Variants in BCL2 observed in about 807,000 individuals in gnomAD.
BCL2 encodes apoptosis regulator Bcl-2.
Under a neutral mutation model 14.2 loss-of-function variants are expected in BCL2, and 1 was observed. That is an observed-to-expected ratio of 0.07 (90% CI 0.02 to 0.33). The LOEUF (loss-of-function observed/expected upper bound fraction) is 0.33, where lower values mean the gene tolerates loss of function less well. BCL2 is among the 10% of genes least tolerant of loss of function. The pLI is 0.99. For synonymous variants in BCL2, 151 were observed against 137.2 expected (o/e 1.10, Z -0.70); for missense variants, 247 against 305.9 (o/e 0.81, Z 1.44).
intron 2 of BCL2, among the ~76,000 whole-genome samples, chr18:63,243,205 T>G (rs1014465401): frequency 2.6e-5 from 4 of 152,198 alleles, no homozygotes; most frequent in Admixed American, 2.0e-4. Flanking sequence ...GATCATGTCT[T>G]TTGCAGGAAC....
At chr18:63,133,018 G>A (rs1599199148) in intron 2 of BCL2, among the ~76,000 whole-genome samples, 1 of 152,326 alleles carries the variant, frequency 6.6e-6, no homozygotes, top group Non-Finnish European at 1.5e-5. Context: ...AGGAGGAGAT[G>A]GGCAGGGCCT....
At chr18:63,194,416 C>T (rs545927459) in intron 2 of BCL2, among the ~76,000 whole-genome samples, 58 of 151,870 alleles carry the variant, frequency 3.8e-4, no homozygotes, top group African/African-American at 1.3e-3. Context: ...TCACTGCAAC[C>T]TCTGCCCCAC....
chr18:63,157,450 G>T (rs1914812945), intron 2 of BCL2, among the ~76,000 whole-genome samples: 1 of 152,206 alleles, frequency 6.6e-6, no homozygotes, highest in African/African-American at 2.4e-5. Flanking sequence ...TTCACCTGGG[G>T]CTGTTCATAG....
chr18:63,190,447 C>T (rs1381372693), intron 2 of BCL2, among the ~76,000 whole-genome samples: 4 of 152,172 alleles, frequency 2.6e-5, no homozygotes, highest in Non-Finnish European at 4.4e-5. Context: ...AAGGTTAGAT[C>T]CCAAGTACAA....
chr18:63,317,523 G>T, intron 2 of BCL2: 2 of 981,346 alleles, frequency 2.0e-6, no homozygotes, highest in Non-Finnish European at 2.4e-6. Flanking sequence ...CAGGGAAAAA[G>T]ACTTACATTG....
intron 2 of BCL2, among the ~76,000 whole-genome samples, chr18:63,263,729 T>C (rs1189873194): frequency 2.0e-5 from 3 of 152,230 alleles, no homozygotes; most frequent in Non-Finnish European, 4.4e-5. Flanking sequence ...GATCTAATCT[T>C]GGCTCCACTG....
At chr18:63,170,708 C>T (rs1286458482) in intron 2 of BCL2, among the ~76,000 whole-genome samples, 1 of 152,180 alleles carries the variant, frequency 6.6e-6, no homozygotes, top group Non-Finnish European at 1.5e-5. Context: ...AATCATGGGG[C>T]CATCTGCACT....
At chr18:63,274,212 G>A (rs1477670843) in intron 2 of BCL2, among the ~76,000 whole-genome samples, 1 of 151,596 alleles carries the variant, frequency 6.6e-6, no homozygotes, top group African/African-American at 2.4e-5. Flanking sequence ...GCTAATATCT[G>A]GGACTTGCTG....
At chr18:63,255,696 A>G (rs1911452702) in intron 2 of BCL2, among the ~76,000 whole-genome samples, 1 of 152,132 alleles carries the variant, frequency 6.6e-6, no homozygotes, top group South Asian at 2.1e-4. Context: ...GCAAAAAAAC[A>G]TGGGAAGACA....
At chr18:63,292,281 TTATTACTC>T (rs1684280479) in intron 2 of BCL2, among the ~76,000 whole-genome samples, 1 of 150,740 alleles carries the variant, frequency 6.6e-6, no homozygotes, top group Admixed American at 6.6e-5. Context: ...ATGTGCAGGG[TTATTACTC>T]TAGACATCAG....
chr18:63,313,941 A>T (rs555195576), intron 2 of BCL2: 5 of 152,368 alleles, frequency 3.3e-5, no homozygotes, highest in Admixed American at 3.3e-4. Context: ...CTTATTAGAA[A>T]GTACAGCTGA....
At chr18:63,183,008 C>G (rs1180276956) in intron 2 of BCL2, among the ~76,000 whole-genome samples, 1 of 152,232 alleles carries the variant, frequency 6.6e-6, no homozygotes, top group East Asian at 1.9e-4. Flanking sequence ...CAGCACCGAG[C>G]TGGGCATGCC....
At chr18:63,135,430 A>C (rs543241806) in intron 2 of BCL2, among the ~76,000 whole-genome samples, 3 of 152,296 alleles carry the variant, frequency 2.0e-5, no homozygotes, top group African/African-American at 7.2e-5. Context: ...ACCACCTAGC[A>C]ATTCTTTATT....
intron 2 of BCL2, among the ~76,000 whole-genome samples, chr18:63,263,741 A>C (rs1911731083): frequency 6.6e-6 from 1 of 152,228 alleles, no homozygotes; most frequent in African/African-American, 2.4e-5. Context: ...GCTCCACTGT[A>C]CAATGGGATC....
chr18:63,164,564 T>G (rs1914997497), intron 2 of BCL2, among the ~76,000 whole-genome samples: 1 of 152,210 alleles, frequency 6.6e-6, no homozygotes, highest in South Asian at 2.1e-4. Context: ...CCATTATTAA[T>G]GTAGTCAAGC....
At chr18:63,226,017 A>G (rs1235372822) in intron 2 of BCL2, among the ~76,000 whole-genome samples, 3 of 152,184 alleles carry the variant, frequency 2.0e-5, no homozygotes, top group Admixed American at 1.3e-4. Flanking sequence ...GAAGATGGTA[A>G]ATACAGAGGA....
intron 2 of BCL2, among the ~76,000 whole-genome samples, chr18:63,305,364 C>T (rs1913091786): frequency 6.6e-6 from 1 of 152,190 alleles, no homozygotes; most frequent in Non-Finnish European, 1.5e-5. Context: ...GGATTCCCAA[C>T]CCAGGGAATG....
chr18:63,266,057 A>C (rs540219727), intron 2 of BCL2, among the ~76,000 whole-genome samples: 2 of 152,286 alleles, frequency 1.3e-5, no homozygotes, highest in African/African-American at 2.4e-5. Flanking sequence ...CGCAAATTCC[A>C]ATTCCAGGAT....
At chr18:63,218,985 G>C (rs1346596877) in intron 2 of BCL2, among the ~76,000 whole-genome samples, 1 of 152,096 alleles carries the variant, frequency 6.6e-6, no homozygotes, top group Admixed American at 6.5e-5. Flanking sequence ...CCTGCAACCA[G>C]GTTCTCATTC....
Sources: gnomAD v4.1 joint callset for allele counts (sites outside exome capture counted in the v4.1 genomes callset) on GRCh38, gnomAD v4.1.1 for gene constraint, MANE v1.5 for transcripts, NCBI Gene and HGNC (gene_info 2026-07-23, HGNC 2026-07-21) for gene names.